The following CCSER1 variants were observed in gnomAD, a reference collection of about 807,000 sequenced individuals.
CCSER1 encodes the protein coiled-coil serine rich protein 1.
Under a neutral mutation model 82.0 loss-of-function variants are expected in CCSER1, and 41 were observed. The observed-to-expected ratio is 0.50, with a 90% CI of 0.39 to 0.65. The LOEUF (loss-of-function observed/expected upper bound fraction) is 0.65, where lower values mean the gene tolerates loss of function less well. CCSER1 is among the 30% of genes least tolerant of loss of function. The pLI, the probability that CCSER1 is intolerant of heterozygous loss-of-function variation, is 0.00. For synonymous variants in CCSER1, 414 were observed against 383.9 expected (o/e 1.08, Z -0.92); for missense variants, 1,119 against 1,064.2 (o/e 1.05, Z -0.72).
chr4:91,376,132 GATAA>G (rs150561520), intron 10 of CCSER1, among the ~76,000 whole-genome samples: 2,987 of 152,188 alleles, frequency 0.02, 75 homozygotes, highest in African/African-American at 0.067. Flanking sequence ...CAAAAATTCC[GATAA>G]ATAAGTATAA....
At chr4:90,325,623 A>G (rs1181877399) in intron 3 of CCSER1, 1 of 449,538 alleles carries the variant, frequency 2.2e-6, no homozygotes, top group East Asian at 7.0e-5. Context: ...TGACCATCTG[A>G]ATAGATGCTT....
At chr4:90,792,243 C>T (rs1056635907) in intron 7 of CCSER1, among the ~76,000 whole-genome samples, 10 of 151,984 alleles carry the variant, frequency 6.6e-5, no homozygotes, top group Admixed American at 2.6e-4. Flanking sequence ...ATTTCTGAAG[C>T]GTTACTTATT....
chr4:90,373,920 C>A (rs1463295603), intron 3 of CCSER1, among the ~76,000 whole-genome samples: 1 of 152,164 alleles, frequency 6.6e-6, no homozygotes, highest in African/African-American at 2.4e-5. Flanking sequence ...AGATGTCCCC[C>A]TTTGCATTCC....
chr4:90,886,638 T>G (rs144048834), intron 8 of CCSER1, among the ~76,000 whole-genome samples: 2 of 152,314 alleles, frequency 1.3e-5, no homozygotes, highest in Non-Finnish European at 2.9e-5. Flanking sequence ...GTACTAGATT[T>G]TCTTATTTAA....
At chr4:90,944,396 T>G (rs182479777) in intron 9 of CCSER1, among the ~76,000 whole-genome samples, 410 of 152,226 alleles carry the variant, frequency 2.7e-3, no homozygotes, top group Non-Finnish European at 4.9e-3. Flanking sequence ...TATCAAGGCT[T>G]ATTATTCATT....
At chr4:90,957,248 C>A (rs765243085) in intron 9 of CCSER1, among the ~76,000 whole-genome samples, 8,205 of 146,272 alleles carry the variant, frequency 0.056, 310 homozygotes, top group South Asian at 0.17. Flanking sequence ...ATTACAGGCC[C>A]CCCCCACCAC....
chr4:91,127,336 T>C (rs893055218), intron 10 of CCSER1, among the ~76,000 whole-genome samples: 1 of 152,100 alleles, frequency 6.6e-6, no homozygotes, highest in African/African-American at 2.4e-5. Context: ...ATTGTACTTC[T>C]ACTTCAAAAC....
At position 90,276,306 on chromosome 4, in the gene CCSER1, C is replaced by T. The variant is rs867034448; in HGVS notation, c.-41-31938C>T. Among the ~76,000 whole-genome samples the T allele has an allele frequency of 5.5e-3, 556 of 101,084 alleles. 10 individuals carry two copies. Among genetic ancestry groups the T allele is most frequent in the African/African-American group, 0.012 (297 of 23,830 alleles). The allele number at this position is 101,084 out of a possible 152,430, so 66.3% of individuals were successfully genotyped here. A position where few individuals can be genotyped will look rare whatever the true frequency, so the allele number is the denominator to read the frequency against. On this transcript the variant is annotated intron_variant, in intron 1 of 10. Coordinates refer to ENST00000509176, the MANE Select transcript of CCSER1 (RefSeq NM_001145065.2). ...TCCTTCCTTCCTTCCTTCCTTCCTT[C>T]CTTTCTTTCTTTTTCTTTCTTTCTT...
rs188083916 is a variant in CCSER1, at chr4:91,370,378, A to G, written c.2218-228194A>G. 1.1e-4 allele frequency among the ~76,000 whole-genome samples: 17 copies of G among 152,310 alleles called. No individual in the cohort carries two copies. In the East Asian group the frequency reaches 3.1e-3, roughly 28 times the overall value. On this transcript the variant is annotated intron_variant, in intron 10 of 10. Transcript: ENST00000509176. ...ACAGGAACCAAATCTCAAATCATAC[A>G]AAACCCAAATGTGTTATTTCTTTTA...
chr4:91,578,177 A>G (rs970999578), intron 10 of CCSER1, among the ~76,000 whole-genome samples: 1 of 151,948 alleles, frequency 6.6e-6, no homozygotes, highest in Non-Finnish European at 1.5e-5. Context: ...CTTGGTCCCT[A>G]CCCTGGAATA....
At chr4:90,881,607 A>G (rs534561755) in intron 8 of CCSER1, among the ~76,000 whole-genome samples, 2 of 151,624 alleles carry the variant, frequency 1.3e-5, no homozygotes, top group African/African-American at 4.8e-5. Flanking sequence ...CCCCATCTCT[A>G]CCAAAAATGC....
intron 1 of CCSER1, among the ~76,000 whole-genome samples, chr4:90,167,695 G>C (rs1368092610): frequency 6.6e-6 from 1 of 150,646 alleles, no homozygotes; most frequent in East Asian, 2.0e-4. Context: ...TCATTGTTCA[G>C]TTCCCACCTA....
intron 1 of CCSER1, among the ~76,000 whole-genome samples, chr4:90,294,191 A>C (rs1228531644): frequency 6.6e-6 from 1 of 152,048 alleles, no homozygotes; most frequent in Non-Finnish European, 1.5e-5. Context: ...ATAAAGTATA[A>C]ATTTTACTAT....
chr4:90,971,631 A>C (rs1735118380), intron 9 of CCSER1, among the ~76,000 whole-genome samples: 1 of 152,056 alleles, frequency 6.6e-6, no homozygotes, highest in Admixed American at 6.6e-5. Flanking sequence ...AAAAAAATTG[A>C]AAAGGACAGT....
At chr4:91,514,390 G>A (rs1297142464) in intron 10 of CCSER1, among the ~76,000 whole-genome samples, 2 of 152,096 alleles carry the variant, frequency 1.3e-5, no homozygotes, top group African/African-American at 4.8e-5. Context: ...GTTGATGTTG[G>A]AGTATGTTCT....
intron 10 of CCSER1, among the ~76,000 whole-genome samples, chr4:91,410,822 G>A (rs1752977435): frequency 6.6e-6 from 1 of 151,820 alleles, no homozygotes; most frequent in South Asian, 2.1e-4. Flanking sequence ...TGTTTTATAA[G>A]CATGTATCCA....
chr4:91,012,313 G>A lies in CCSER1; in HGVS notation c.2173-73637G>A, dbSNP rs1323588474. Among the ~76,000 whole-genome samples, 2 of 133,910 alleles carry A rather than the reference G, an allele frequency of 1.5e-5. 1 individual carries two copies. The highest frequency in any genetic ancestry group is 3.5e-5 in the Non-Finnish European group (2 of 57,420). 87.9% of individuals were successfully genotyped at this position (133,910 alleles called of 152,430 possible). ...AAGGGGACAGGGCATAGCAGTGACT[G>A]GGAGGGGTACATGGAGCAGCTCTGC... On this transcript the variant is annotated intron_variant, in intron 9 of 10. Transcript: ENST00000509176.
chr4:91,141,153 CT>C (rs113600364), intron 10 of CCSER1, among the ~76,000 whole-genome samples: 17,373 of 144,136 alleles, frequency 0.12, 1,078 homozygotes, highest in East Asian at 0.27. Context: ...TGATTTCATT[CT>C]TTTTTTTTTT....
At chr4:91,432,221 C>T (rs1279326191) in intron 10 of CCSER1, among the ~76,000 whole-genome samples, 1 of 152,142 alleles carries the variant, frequency 6.6e-6, no homozygotes, top group Non-Finnish European at 1.5e-5. Context: ...AACTGTGAGT[C>T]AATTAAACCT....
Sources: allele counts gnomAD v4.1 joint callset (sites outside exome capture counted in the v4.1 genomes callset), GRCh38; gene constraint gnomAD v4.1.1; transcripts MANE v1.5; gene names NCBI Gene and HGNC (gene_info 2026-07-23, HGNC 2026-07-21).